Variants in DPF3 observed in about 807,000 individuals in gnomAD.
DPF3 encodes double PHD fingers 3.
Under a neutral mutation model 56.8 loss-of-function variants are expected in DPF3, and 18 were observed. The observed-to-expected ratio is 0.32, with a 90% CI of 0.22 to 0.47. DPF3 has a LOEUF of 0.47. Ranked by LOEUF, DPF3 falls within the 20% of genes least tolerant of loss-of-function variation. The pLI, the probability that DPF3 is intolerant of heterozygous loss-of-function variation, is 1.00. For missense variants in DPF3, 403 were observed against 488.8 expected, an observed-to-expected ratio of 0.82 and a Z score of 1.65; for synonymous variants, 188 against 180.2, an observed-to-expected ratio of 1.04 and a Z score of -0.35.
chr14:72,836,110 C>T, intron 1 of DPF3: 1 of 985,652 alleles, frequency 1.0e-6, no homozygotes, highest in Non-Finnish European at 1.2e-6. Flanking sequence ...CTGTGGAAAT[C>T]CAGGTCCAAA....
intron 8 of DPF3, among the ~76,000 whole-genome samples, chr14:72,647,838 A>T (rs1885769937): frequency 6.6e-6 from 1 of 152,174 alleles, no homozygotes; most frequent in Non-Finnish European, 1.5e-5. Flanking sequence ...CAGTAGCAAG[A>T]TTGGTCCTAA....
chr14:72,653,369 A>G (rs1384649258), intron 8 of DPF3, among the ~76,000 whole-genome samples: 4 of 152,210 alleles, frequency 2.6e-5, no homozygotes, highest in Non-Finnish European at 1.5e-5. Context: ...CACTCCTCAC[A>G]CATGGCTGCA....
intron 7 of DPF3, among the ~76,000 whole-genome samples, chr14:72,692,808 C>A (rs879006947): frequency 6.6e-6 from 1 of 152,144 alleles, no homozygotes; most frequent in South Asian, 2.1e-4. Flanking sequence ...CAGGTAAGGA[C>A]TTTCTCTTCT....
In DPF3 at chr14:72,611,264, G is replaced by T. The variant is rs1883706453; in HGVS notation, c.*8033C>A. Among the ~76,000 whole-genome samples, 1 of 152,240 alleles carries T rather than the reference G, an allele frequency of 6.6e-6. No homozygotes were observed. Among genetic ancestry groups the T allele is most frequent in the South Asian group, 2.1e-4 (1 of 4,832 alleles). On this transcript the variant is annotated 3_prime_UTR_variant, in exon 11 of 11. Coordinates refer to ENST00000556509, the MANE Select transcript of DPF3 (RefSeq NM_001280542.3). ...AAGCTGAAATCTGGCTGTGACACGTGTGGAGAAAAGGAAAGATGAAACAAA... is the reference window on the plus strand; with the variant it reads ...AAGCTGAAATCTGGCTGTGACACGTTTGGAGAAAAGGAAAGATGAAACAAA...
At position 72,714,619 on chromosome 14, in the gene DPF3, C is replaced by G. The variant is rs1888825283; in HGVS notation, c.526-118G>C. ...TCCCAACTTTTGTGCCAACACCAGT[C>G]CCATCTTACAGGGGAGGAAACTGAG... On this transcript the variant is annotated intron_variant, in intron 5 of 10. Transcript: ENST00000556509. The G allele has an allele frequency of 3.5e-6, 4 of 1,146,668 alleles. No individual in the cohort carries two copies. In the African/African-American group the frequency reaches 6.1e-5, roughly 18 times the overall value. 71.0% of individuals were successfully genotyped at this position (1,146,668 alleles called of 1,614,324 possible).
chr14:72,654,165 C>T (rs560524664), intron 8 of DPF3, among the ~76,000 whole-genome samples: 18 of 152,290 alleles, frequency 1.2e-4, no homozygotes, highest in Admixed American at 3.3e-4. Flanking sequence ...ACAGTGTGGA[C>T]GCTCGTAACA....
rs1004432122 is a variant in DPF3, at chr14:72,757,663, TA to T, written c.194-4293del. Among the ~76,000 whole-genome samples the T allele has an allele frequency of 5.9e-5, 9 of 152,278 alleles. No individual in the cohort carries two copies. The South Asian group carries it at 1.0e-3, about 18-fold the overall frequency. On this transcript the variant is annotated intron_variant, in intron 2 of 10. Coordinates refer to ENST00000556509, the MANE Select transcript of DPF3 (RefSeq NM_001280542.3). ...AAAAAAATACAATATAATACCTATT[TA>T]CATAGCATTTACATTGTATTAGGTA...
In DPF3 at chr14:72,714,949, G is replaced by A. The variant is rs1035170341; in HGVS notation, c.526-448C>T. ...GAGGTTGACAACCCCAGGCCCCTCAGCAGACCAGCTGATGCACGTATCAGG... is the reference window on the plus strand; with the variant it reads ...GAGGTTGACAACCCCAGGCCCCTCAACAGACCAGCTGATGCACGTATCAGG... On this transcript the variant is annotated intron_variant, in intron 5 of 10. Transcript: ENST00000556509. 2.0e-5 allele frequency among the ~76,000 whole-genome samples: 3 copies of A among 152,322 alleles called. No individual in the cohort carries two copies. In the East Asian group the frequency reaches 5.8e-4, roughly 29 times the overall value.
intron 1 of DPF3, among the ~76,000 whole-genome samples, chr14:72,843,107 G>C (rs1258782998): frequency 6.6e-6 from 1 of 152,154 alleles, no homozygotes; most frequent in South Asian, 2.1e-4. Flanking sequence ...TATTTGTCAT[G>C]TATCATTCCG....
In DPF3 at chr14:72,612,552, C is replaced by T. The variant is rs1377919999; in HGVS notation, c.*6745G>A. On this transcript the variant is annotated 3_prime_UTR_variant, in exon 11 of 11. Transcript: ENST00000556509. ...CCCACTTCCCACCTCCACCCCACTC[C>T]TTAGCATCTATCACGGCAGAGGGAA... The T allele has an allele frequency of 3.9e-6, 2 of 514,730 alleles. No individual in the cohort carries two copies. The highest frequency in any genetic ancestry group is 2.0e-5 in the Admixed American group (1 of 51,138). The allele number at this position is 514,730 out of a possible 1,614,324, so 31.9% of individuals were successfully genotyped here. A position where few individuals can be genotyped will look rare whatever the true frequency, so the allele number is the denominator to read the frequency against.
intron 1 of DPF3, among the ~76,000 whole-genome samples, chr14:72,855,399 G>A (rs1031067965): frequency 5.3e-5 from 8 of 152,214 alleles, no homozygotes; most frequent in African/African-American, 7.2e-5. Context: ...CCCATTATGA[G>A]TGGCTCCAAT....
At chr14:72,740,497 T>A (rs1890079290) in intron 3 of DPF3, among the ~76,000 whole-genome samples, 1 of 152,106 alleles carries the variant, frequency 6.6e-6, no homozygotes, top group African/African-American at 2.4e-5. Context: ...AGATGTGTCC[T>A]GGGGGCAGTA....
At chr14:72,758,168 C>T (rs1034317054) in intron 2 of DPF3, among the ~76,000 whole-genome samples, 1 of 151,968 alleles carries the variant, frequency 6.6e-6, no homozygotes, top group Non-Finnish European at 1.5e-5. Context: ...AGCATACATC[C>T]GTTTCTGACT....
intron 7 of DPF3, chr14:72,675,701 A>G (rs1213455548): frequency 6.6e-6 from 1 of 152,196 alleles, no homozygotes; most frequent in Non-Finnish European, 1.5e-5. Context: ...TTCATTATAG[A>G]GGGTTAATCC....
intron 1 of DPF3, among the ~76,000 whole-genome samples, chr14:72,772,645 G>A (rs1043603752): frequency 2.6e-5 from 4 of 152,126 alleles, no homozygotes; most frequent in African/African-American, 4.8e-5. Flanking sequence ...TATATTTTAC[G>A]TTCCTGACTC....
At chr14:72,630,457 C>G (rs975407874) in intron 8 of DPF3, among the ~76,000 whole-genome samples, 2 of 152,130 alleles carry the variant, frequency 1.3e-5, no homozygotes, top group Admixed American at 1.3e-4. Flanking sequence ...GGGAGCCAAC[C>G]CAATCACAAG....
At chr14:72,664,718 T>C (rs1449023840) in intron 8 of DPF3, among the ~76,000 whole-genome samples, 1 of 152,230 alleles carries the variant, frequency 6.6e-6, no homozygotes, top group Admixed American at 6.5e-5. Context: ...GCATCCTCTA[T>C]GCATAGAGTG....
At chr14:72,731,625 T>C (rs1043742964) in intron 4 of DPF3, 182 bp downstream of exon 4, 15 of 775,016 alleles carry the variant, frequency 1.9e-5, no homozygotes, top group Non-Finnish European at 2.6e-5. Context: ...TAATGACTCC[T>C]TCGGAAGATA....
chr14:72,623,085 G>C (rs1884564646), intron 9 of DPF3, among the ~76,000 whole-genome samples: 2 of 152,140 alleles, frequency 1.3e-5, no homozygotes, highest in Non-Finnish European at 2.9e-5. Flanking sequence ...ATATATACTT[G>C]TTACCATTTT....
Sources: gnomAD v4.1 joint callset for allele counts (sites outside exome capture counted in the v4.1 genomes callset) on GRCh38, gnomAD v4.1.1 for gene constraint, MANE v1.5 for transcripts, NCBI Gene and HGNC (gene_info 2026-07-23, HGNC 2026-07-21) for gene names.